Variants in ZBTB7C observed in about 807,000 individuals in gnomAD.
ZBTB7C encodes the protein zinc finger and BTB domain containing 7C, also known as zinc finger and BTB domain-containing protein 7C.
ZBTB7C carries 8 observed loss-of-function variants against 25.7 expected under a neutral mutation model. The ratio of observed to expected loss-of-function variants is 0.31; its 90% confidence interval spans 0.18 to 0.56. The LOEUF is 0.56. ZBTB7C is among the 20% of genes least tolerant of loss of function. The pLI, the probability that ZBTB7C is intolerant of heterozygous loss-of-function variation, is 0.91. For synonymous variants in ZBTB7C, 394 were observed against 369.0 expected, an observed-to-expected ratio of 1.07 and a Z score of -0.78; for missense variants, 824 against 855.2, an observed-to-expected ratio of 0.96 and a Z score of 0.46.
intron 3 of ZBTB7C, among the ~76,000 whole-genome samples, chr18:48,057,334 T>TAAAC (rs1425810678): frequency 2.0e-5 from 3 of 152,172 alleles, no homozygotes; most frequent in African/African-American, 7.2e-5. Context: ...CAATTGGAAG[T>TAAAC]AAACAGTATA....
chr18:48,406,106 G>A (rs2048275182), intron 1 of ZBTB7C, among the ~76,000 whole-genome samples: 1 of 151,972 alleles, frequency 6.6e-6, no homozygotes, highest in South Asian at 2.1e-4. Flanking sequence ...AAATAGCCTG[G>A]ACTCCTTCAG....
intron 3 of ZBTB7C, among the ~76,000 whole-genome samples, chr18:48,063,000 A>G (rs1213118468): frequency 6.6e-6 from 1 of 152,224 alleles, no homozygotes; most frequent in Admixed American, 6.5e-5. Flanking sequence ...GGATGGAGAA[A>G]GTCTGTGACT....
At chr18:48,136,322 C>T (rs950301490) in intron 3 of ZBTB7C, among the ~76,000 whole-genome samples, 1 of 152,208 alleles carries the variant, frequency 6.6e-6, no homozygotes, top group Non-Finnish European at 1.5e-5. Context: ...GGAGTGCTCC[C>T]CATCCACTCA....
At chr18:48,099,606 G>T (rs1177354709) in intron 3 of ZBTB7C, among the ~76,000 whole-genome samples, 1 of 152,234 alleles carries the variant, frequency 6.6e-6, no homozygotes, top group South Asian at 2.1e-4. Flanking sequence ...GAGGGACTGT[G>T]CAAGTTTGGT....
At chr18:48,402,386 C>T (rs73437425) in intron 1 of ZBTB7C, among the ~76,000 whole-genome samples, 5,387 of 152,130 alleles carry the variant, frequency 0.035, 323 homozygotes, top group African/African-American at 0.12. Flanking sequence ...CTAAGGAACA[C>T]GATGACTTAG....
intron 3 of ZBTB7C, among the ~76,000 whole-genome samples, chr18:48,126,985 G>A (rs1371030249): frequency 2.0e-5 from 3 of 152,178 alleles, no homozygotes; most frequent in African/African-American, 7.2e-5. Context: ...TCAAGGGCAA[G>A]AGCAATGAAG....
chr18:48,152,819 G>C (rs1057038045), intron 3 of ZBTB7C, among the ~76,000 whole-genome samples: 2 of 152,248 alleles, frequency 1.3e-5, no homozygotes, highest in Non-Finnish European at 2.9e-5. Context: ...CACTTAGTGG[G>C]TGTCAGGCAC....
upstream of ZBTB7C, chr18:48,410,536 G>GA (rs1384416621): frequency 6.6e-6 from 1 of 152,510 alleles, no homozygotes; most frequent in Non-Finnish European, 1.5e-5. Context: ...AGCGGTGCTG[G>GA]AAGCCACGAA....
rs546117948 is a variant in ZBTB7C at position 48,213,704 on chromosome 18, T to C, written c.-78-27709A>G. The stretch of plus-strand genomic sequence containing the variant: ...TATCCAAATTTATTACCTTCTTATT[T>C]GGGTACTGGTTCTGACTGTTCTGAC... On this transcript the variant is annotated intron_variant, in intron 2 of 4. Transcript: ENST00000590800. Among the ~76,000 whole-genome samples, 33 of 152,276 alleles carry C rather than the reference T, an allele frequency of 2.2e-4. No homozygotes were observed. The East Asian group carries it at 6.4e-3, about 29-fold the overall frequency.
At chr18:48,402,509 AG>A (rs765451305) in intron 1 of ZBTB7C, among the ~76,000 whole-genome samples, 2 of 152,180 alleles carry the variant, frequency 1.3e-5, no homozygotes, top group Non-Finnish European at 2.9e-5. Context: ...ATGTGTTGGA[AG>A]GGGGGAAGGA....
intron 2 of ZBTB7C, among the ~76,000 whole-genome samples, chr18:48,233,465 T>C (rs2043304901): frequency 1.3e-5 from 2 of 152,328 alleles, no homozygotes; most frequent in African/African-American, 4.8e-5. Flanking sequence ...AAAGCCAGAA[T>C]ACAAAGAGCA....
At chr18:48,151,550 G>C (rs2144892412) in intron 3 of ZBTB7C, among the ~76,000 whole-genome samples, 1 of 152,284 alleles carries the variant, frequency 6.6e-6, no homozygotes, top group South Asian at 2.1e-4. Context: ...ACGGAGGCTG[G>C]ATTGTCGAAG....
At chr18:48,362,859 C>T (rs1290540449) in intron 1 of ZBTB7C, among the ~76,000 whole-genome samples, 1 of 152,158 alleles carries the variant, frequency 6.6e-6, no homozygotes, top group Admixed American at 6.5e-5. Context: ...CAACGACCCA[C>T]AAATATTTAC....
chr18:48,314,852 C>G (rs2045911080), intron 2 of ZBTB7C, among the ~76,000 whole-genome samples: 1 of 152,134 alleles, frequency 6.6e-6, no homozygotes, highest in Non-Finnish European at 1.5e-5. Context: ...TTTTAATGAG[C>G]CATTTTCCAA....
chr18:48,205,038 AGG>A (rs1568301083), intron 2 of ZBTB7C, among the ~76,000 whole-genome samples: 1 of 152,082 alleles, frequency 6.6e-6, no homozygotes, highest in Non-Finnish European at 1.5e-5. Context: ...ATATCTGCCT[AGG>A]GACCAATGAC....
intron 1 of ZBTB7C, among the ~76,000 whole-genome samples, chr18:48,385,681 A>G (rs2047731043): frequency 6.6e-6 from 1 of 152,246 alleles, no homozygotes. Context: ...TAACTGAAGC[A>G]CACAAAAGGC....
At chr18:48,270,033 T>C (rs1598743927) in intron 2 of ZBTB7C, among the ~76,000 whole-genome samples, 1 of 151,802 alleles carries the variant, frequency 6.6e-6, no homozygotes, top group East Asian at 1.9e-4. Flanking sequence ...TCCAGACAAA[T>C]AATAATGACA....
intron 3 of ZBTB7C, among the ~76,000 whole-genome samples, chr18:48,085,106 T>C (rs1256323794): frequency 1.3e-5 from 2 of 152,106 alleles, no homozygotes; most frequent in Non-Finnish European, 2.9e-5. Flanking sequence ...TCAGCTGAAC[T>C]CAAGGGCCTA....
chr18:48,327,446 A>G (rs1220385060), intron 2 of ZBTB7C, among the ~76,000 whole-genome samples: 1 of 152,194 alleles, frequency 6.6e-6, no homozygotes, highest in Non-Finnish European at 1.5e-5. Context: ...GAGTCAGGAG[A>G]TAGGAGTTCC....
Sources: allele counts gnomAD v4.1 joint callset (sites outside exome capture counted in the v4.1 genomes callset), GRCh38; gene constraint gnomAD v4.1.1; transcripts MANE v1.5; gene names NCBI Gene and HGNC (gene_info 2026-07-23, HGNC 2026-07-21).